Variants in DENND4A observed in about 807,000 individuals in gnomAD.
DENND4A encodes C-myc promoter-binding protein.
In DENND4A, 70 loss-of-function variants were observed where a neutral mutation model predicts 199.3. The ratio of observed to expected loss-of-function variants is 0.35; its 90% CI spans 0.29 to 0.43. The LOEUF is 0.43. Ranked by LOEUF, DENND4A falls within the 20% of genes least tolerant of loss-of-function variation. DENND4A has a pLI of 1.00. For missense variants in DENND4A, 1,723 were observed against 2,255.8 expected, an observed-to-expected ratio of 0.76 and a Z score of 4.78; for synonymous variants, 686 against 766.9, an observed-to-expected ratio of 0.89 and a Z score of 1.74.
chr15:65,724,383 T>G (rs1184914907), intron 11 of DENND4A, among the ~76,000 whole-genome samples: 1 of 34,082 alleles, frequency 2.9e-5, no homozygotes, highest in East Asian at 5.1e-3. Flanking sequence ...TTTGAATCGT[T>G]TTTTTTTTTT....
chr15:65,737,056 T>G (rs2076139312), intron 7 of DENND4A, among the ~76,000 whole-genome samples: 1 of 152,134 alleles, frequency 6.6e-6, no homozygotes, highest in South Asian at 2.1e-4. Context: ...TATATGTAAA[T>G]ACGGTAAGGA....
chr15:65,715,453 G>A, intron 14 of DENND4A, 25 bp downstream of exon 14: 1 of 1,582,196 alleles, frequency 6.3e-7, no homozygotes, highest in Non-Finnish European at 8.6e-7. Context: ...ATAAGTTAGG[G>A]CATTGTAGAT....
chr15:65,728,832 C>A, intron 11 of DENND4A: 1 of 484,738 alleles, frequency 2.1e-6, no homozygotes, highest in Non-Finnish European at 3.7e-6. Context: ...TAAAATGTTT[C>A]TTAAATATTG....
At chr15:65,720,928 G>A (rs2075602380) in intron 12 of DENND4A, among the ~76,000 whole-genome samples, 1 of 103,938 alleles carries the variant, frequency 9.6e-6, no homozygotes, top group East Asian at 2.2e-4. Flanking sequence ...CACAAAAGTT[G>A]AATGGGCTGT....
chr15:65,729,314 A>G lies in DENND4A; in HGVS notation c.1312-67T>C, dbSNP rs1006022580. 5 of 1,497,394 alleles carry G rather than the reference A, an allele frequency of 3.3e-6. No individual in the cohort carries two copies. The African/African-American group carries it at 5.6e-5, about 17-fold the overall frequency. The allele number at this position is 1,497,394 out of a possible 1,614,324, so 92.8% of individuals were successfully genotyped here. ...ACTGAAGCATAATTTATCAGCACAC[A>G]CAAAAAACTGTCTTTTAAGTATTAT... On this transcript the variant is annotated intron_variant, in intron 10 of 32. Transcript: ENST00000443035.
intron 12 of DENND4A, among the ~76,000 whole-genome samples, chr15:65,718,842 C>T (rs1300871188): frequency 3.0e-5 from 4 of 133,516 alleles, no homozygotes; most frequent in Admixed American, 8.7e-5. Flanking sequence ...TACAGTGGCA[C>T]GATCTCAGCT....
At chr15:65,773,002 CAAAAAAAAAAAAAAA>C (rs61241995) in intron 1 of DENND4A, among the ~76,000 whole-genome samples, 10 of 102,142 alleles carry the variant, frequency 9.8e-5, no homozygotes, top group South Asian at 3.1e-4. Flanking sequence ...TGTTTCTAAG[CAAAAAAAAAAAAAAA>C]AAAAAAAAAA....
intron 1 of DENND4A, among the ~76,000 whole-genome samples, chr15:65,783,076 A>G (rs1245457476): frequency 6.6e-6 from 1 of 152,046 alleles, no homozygotes; most frequent in Non-Finnish European, 1.5e-5. Context: ...TATAATTACC[A>G]TGTAATTTAG....
chr15:65,659,321 G>GTTTTTTTTTTTTTTTTTTT lies in DENND4A; in HGVS notation c.*2529_*2530insAAAAAAAAAAAAAAAAAAA, dbSNP rs1491492345. The GTTTTTTTTTTTTTTTTTTT allele has an allele frequency of 1.6e-4, 11 of 66,668 alleles. 4 individuals are homozygous for GTTTTTTTTTTTTTTTTTTT. The highest frequency in any genetic ancestry group is 2.4e-4 in the Non-Finnish European group (8 of 33,648). The allele number at this position is 66,668 out of a possible 1,614,324, so 4.1% of individuals were successfully genotyped here. A position where few individuals can be genotyped will look rare whatever the true frequency, so the allele number is the denominator to read the frequency against. ...TTATTTTAAATGATTGATATTTTCT[G>GTTTTTTTTTTTTTTTTTTT]GTTTTTTTTTTTTTTTTTTTTTTTT... On this transcript the variant is annotated 3_prime_UTR_variant, in exon 33 of 33. Coordinates refer to ENST00000443035, the MANE Select transcript of DENND4A (RefSeq NM_001320835.1).
Position 65,700,549 on chromosome 15 carries a change from C to T in DENND4A, c.2828G>A (p.Ser943Asn), listed in dbSNP as rs918928187. The stretch of plus-strand genomic sequence containing the variant: ...ATACATAAGCATACACAAACCTGTA[C>T]TAGATCTATCATCAGTAGCATATAC... Reference protein sequence around the residue: ...IKVYATDDRSSTGGQSDLGYN... With the variant: ...IKVYATDDRSNTGGQSDLGYN... Residue 943 changes from serine (S) to asparagine (N), a missense_variant, in exon 20 of 33, where the codon AGT becomes AAT. By Grantham distance (46) the Ser-to-Asn change is conservative (BLOSUM62 1). Transcript: ENST00000443035. 1 of 1,521,430 alleles carries T rather than the reference C, an allele frequency of 6.6e-7. No individual in the cohort carries two copies. Among genetic ancestry groups the T allele is most frequent in the Non-Finnish European group, 8.8e-7 (1 of 1,132,204 alleles). 94.2% of individuals were successfully genotyped at this position (1,521,430 alleles called of 1,614,324 possible).
chr15:65,676,050 T>G (rs2076364361), intron 24 of DENND4A, among the ~76,000 whole-genome samples: 1 of 150,884 alleles, frequency 6.6e-6, no homozygotes, highest in Non-Finnish European at 1.5e-5. Context: ...TAGAATGATC[T>G]TCAGAGTATA....
At chr15:65,675,942 G>A (rs543134813) in intron 24 of DENND4A, among the ~76,000 whole-genome samples, 4 of 151,792 alleles carry the variant, frequency 2.6e-5, no homozygotes, top group Non-Finnish European at 4.4e-5. Flanking sequence ...TAGGGAAGTC[G>A]CTAAAATAAA....
intron 1 of DENND4A, among the ~76,000 whole-genome samples, chr15:65,788,141 A>C (rs148319662): frequency 0.02 from 2,939 of 150,300 alleles, 35 homozygotes; most frequent in Middle Eastern, 0.042. Flanking sequence ...CAGTGGCGCT[A>C]TCTCTGCTCA....
At chr15:65,715,227 G>A in intron 14 of DENND4A, 1 of 282,134 alleles carries the variant, frequency 3.5e-6, no homozygotes, top group South Asian at 6.4e-5. Flanking sequence ...AGTGGACAGG[G>A]AGGGTTAGGA....
Position 65,750,190 on chromosome 15 carries a change from G to T in DENND4A, c.561+2189C>A, listed in dbSNP as rs1596598248. 1.3e-5 allele frequency among the ~76,000 whole-genome samples: 2 copies of T among 152,136 alleles called. 1 individual carries two copies. The highest frequency in any genetic ancestry group is 3.8e-4 in the East Asian group (2 of 5,198). The stretch of plus-strand genomic sequence containing the variant: ...AAATCATGTCTTGTGCAGCAACGTG[G>T]ATGCAGCTGGAGGTCATCATCCTAA... On this transcript the variant is annotated intron_variant, in intron 4 of 32. Coordinates refer to ENST00000443035, the MANE Select transcript of DENND4A (RefSeq NM_001320835.1).
At chr15:65,662,920 G>A (rs1015295601) in intron 32 of DENND4A, among the ~76,000 whole-genome samples, 2 of 152,092 alleles carry the variant, frequency 1.3e-5, no homozygotes, top group Non-Finnish European at 2.9e-5. Context: ...CCCACCTTTG[G>A]CAGAGGGCTA....
chr15:65,682,938 G>T (rs952231721), intron 23 of DENND4A, among the ~76,000 whole-genome samples: 1 of 152,128 alleles, frequency 6.6e-6, no homozygotes, highest in Non-Finnish European at 1.5e-5. Context: ...TCTTATATGG[G>T]AACAGTTCAT....
In DENND4A at chr15:65,660,482, T is replaced by C. The variant is rs2075817549; in HGVS notation, c.*1369A>G. On this transcript the variant is annotated 3_prime_UTR_variant, in exon 33 of 33. Coordinates refer to ENST00000443035, the MANE Select transcript of DENND4A (RefSeq NM_001320835.1). ...CTTTAAAGCTGGCTAGGGAATTCCT[T>C]CACTAATGATAATGTGTGCAAACAC... The C allele has an allele frequency of 1.9e-6, 1 of 536,654 alleles. No homozygotes were observed. Among genetic ancestry groups the C allele is most frequent in the African/African-American group, 1.9e-5 (1 of 52,898 alleles). The allele number at this position is 536,654 out of a possible 1,614,324, so 33.2% of individuals were successfully genotyped here.
At chr15:65,715,774 A>C (rs1014806957) in intron 13 of DENND4A, among the ~76,000 whole-genome samples, 151 bp from the exon 14 acceptor site, 2 of 152,200 alleles carry the variant, frequency 1.3e-5, no homozygotes, top group Admixed American at 1.3e-4. Flanking sequence ...ATGACCTGAC[A>C]AAGAAATAGG....
Sources: allele counts gnomAD v4.1 joint callset (sites outside exome capture counted in the v4.1 genomes callset), GRCh38; gene constraint gnomAD v4.1.1; transcripts MANE v1.5; gene names NCBI Gene and HGNC (gene_info 2026-07-23, HGNC 2026-07-21).